Variants in MAP4K4 observed in about 807,000 individuals in gnomAD.
The protein encoded by MAP4K4 is mitogen-activated protein kinase kinase kinase kinase 4.
A neutral mutation model predicts 189.6 loss-of-function variants in MAP4K4; 38 were observed. That is an observed-to-expected ratio of 0.20 (90% CI 0.15 to 0.26). The LOEUF is 0.26. MAP4K4 is among the 10% of genes least tolerant of loss of function. The probability of loss-of-function intolerance (pLI) is 1.00; values close to 1 mark genes in which losing one functional copy is unlikely to be tolerated. For synonymous variants in MAP4K4, 610 were observed against 624.3 expected, an observed-to-expected ratio of 0.98 and a Z score of 0.34; for missense variants, 1,054 against 1,726.9, an observed-to-expected ratio of 0.61 and a Z score of 6.91.
chr2:101,850,153 T>G (rs2097236500), intron 12 of MAP4K4, among the ~76,000 whole-genome samples: 1 of 152,184 alleles, frequency 6.6e-6, no homozygotes, highest in African/African-American at 2.4e-5. Flanking sequence ...CTTTTTGCCT[T>G]TCTTCCACCA....
intron 2 of MAP4K4, among the ~76,000 whole-genome samples, chr2:101,748,874 CAG>C (rs1458483249): frequency 6.9e-6 from 1 of 144,826 alleles, no homozygotes; most frequent in Non-Finnish European, 1.5e-5. Context: ...AACAGACAAA[CAG>C]AGAGCCAAAT....
intron 3 of MAP4K4, among the ~76,000 whole-genome samples, chr2:101,821,761 A>G (rs1209051311): frequency 3.3e-5 from 5 of 152,340 alleles, no homozygotes; most frequent in South Asian, 2.1e-4. Context: ...GCTTTCTTCA[A>G]TAATTAACTA....
chr2:101,835,913 G>T, exon 9 of MAP4K4: 1 of 1,612,726 alleles, frequency 6.2e-7, no homozygotes, highest in Non-Finnish European at 8.5e-7. Context: ...TCTGTGACAT[G>T]CATCCAATGA....
chr2:101,767,895 C>T (rs2079338501), intron 2 of MAP4K4, among the ~76,000 whole-genome samples: 1 of 152,178 alleles, frequency 6.6e-6, no homozygotes, highest in African/African-American at 2.4e-5. Flanking sequence ...TGTTTCTCCC[C>T]TCACCCCCCC....
At chr2:101,702,440 G>T (rs1055228669) in intron 2 of MAP4K4, among the ~76,000 whole-genome samples, 1 of 152,020 alleles carries the variant, frequency 6.6e-6, no homozygotes, top group Non-Finnish European at 1.5e-5. Context: ...GTAGTGGGGG[G>T]TGCCTGTAAT....
rs756074509 is a variant in MAP4K4 at position 101,797,397 on chromosome 2, G to A, written c.180+6621G>A. 3.2e-5 allele frequency: 41 copies of A among 1,290,436 alleles called. No individual in the cohort carries two copies. In the South Asian group the frequency reaches 4.6e-4, roughly 14 times the overall value. 79.9% of individuals were successfully genotyped at this position (1,290,436 alleles called of 1,614,324 possible). A position where few individuals can be genotyped will look rare whatever the true frequency, so the allele number is the denominator to read the frequency against. ...AACGTTGTCAGGGTGAGCCAGAAAT[G>A]TATCAGTTTTTGACAGTCTGTATCC... On this transcript the variant is annotated intron_variant, in intron 3 of 32. Coordinates refer to ENST00000324219, the Ensembl canonical transcript of MAP4K4.
intron 2 of MAP4K4, among the ~76,000 whole-genome samples, chr2:101,727,433 A>G (rs755125658): frequency 6.6e-6 from 1 of 152,236 alleles, no homozygotes; most frequent in Non-Finnish European, 1.5e-5. Context: ...AACCTTGTAT[A>G]GTCAGTGAGG....
intron 2 of MAP4K4, among the ~76,000 whole-genome samples, chr2:101,782,926 C>T (rs1430602098): frequency 6.6e-6 from 1 of 152,186 alleles, no homozygotes; most frequent in East Asian, 1.9e-4. Context: ...CCCAACCAGT[C>T]AAGCTGGTCT....
chr2:101,842,281 T>C (rs887151540), intron 10 of MAP4K4, among the ~76,000 whole-genome samples: 1 of 152,202 alleles, frequency 6.6e-6, no homozygotes, highest in Non-Finnish European at 1.5e-5. Flanking sequence ...GTGAATTTGC[T>C]AGTGCCCTCG....
intron 2 of MAP4K4, among the ~76,000 whole-genome samples, chr2:101,724,805 T>C (rs964580774): frequency 5.9e-5 from 9 of 152,246 alleles, no homozygotes; most frequent in Admixed American, 2.0e-4. Flanking sequence ...GGCAAGTGAC[T>C]GCATAGCCAG....
Position 101,825,438 on chromosome 2 carries a change from A to C in MAP4K4, c.417+9A>C, listed in dbSNP as rs1209767668. The C allele has an allele frequency of 4.4e-6, 7 of 1,585,604 alleles. No homozygotes were observed. The African/African-American group carries it at 8.1e-5, about 18-fold the overall frequency. On this transcript the variant is annotated intron_variant, in intron 5 of 32. Coordinates refer to ENST00000324219, the Ensembl canonical transcript of MAP4K4. ...CCAGAGAAATCCTGAGGGTAAGGAA[A>C]GTGGGTGGCTACAGTGCTCCAACTC...
At chr2:101,732,580 C>T (rs1318400112) in intron 2 of MAP4K4, among the ~76,000 whole-genome samples, 2 of 152,034 alleles carry the variant, frequency 1.3e-5, no homozygotes, top group African/African-American at 2.4e-5. Context: ...TTAGTCATCT[C>T]CTTGCTCCTT....
intron 2 of MAP4K4, among the ~76,000 whole-genome samples, chr2:101,699,854 T>A (rs547154452): frequency 6.4e-4 from 97 of 152,298 alleles, no homozygotes; most frequent in African/African-American, 2.3e-3. Context: ...ATTTTTGAAT[T>A]TGAAAGAGAG....
Position 101,870,138 on chromosome 2 carries a change from T to G in MAP4K4, c.2640-157T>G, listed in dbSNP as rs1021949648. ...ACAAATGGCACTGGAAAGAAATTCT[T>G]TGTTAAAGGGAGAAAGCTAAGCAGT... is the stretch of plus-strand genomic sequence containing the variant. On this transcript the variant is annotated intron_variant, in intron 22 of 32. Coordinates refer to ENST00000324219, the Ensembl canonical transcript of MAP4K4. The G allele has an allele frequency of 2.2e-5, 16 of 720,644 alleles. No homozygotes were observed. The African/African-American group carries it at 2.7e-4, about 12-fold the overall frequency. 44.6% of individuals were successfully genotyped at this position (720,644 alleles called of 1,614,324 possible). A position where few individuals can be genotyped will look rare whatever the true frequency, so the allele number is the denominator to read the frequency against.
intron 12 of MAP4K4, among the ~76,000 whole-genome samples, chr2:101,853,817 T>C (rs1215377429): frequency 6.6e-6 from 1 of 152,114 alleles, no homozygotes; most frequent in African/African-American, 2.4e-5. Context: ...GAGTGTGGAA[T>C]GGGTCCTGTA....
intron 2 of MAP4K4, among the ~76,000 whole-genome samples, chr2:101,778,334 T>G (rs2085398174): frequency 6.6e-6 from 1 of 152,222 alleles, no homozygotes; most frequent in Non-Finnish European, 1.5e-5. Context: ...CAGCACAGTG[T>G]GCGGGGTCCC....
intron 2 of MAP4K4, among the ~76,000 whole-genome samples, chr2:101,734,595 C>T (rs1199008591): frequency 6.6e-6 from 1 of 151,860 alleles, no homozygotes; most frequent in Non-Finnish European, 1.5e-5. Flanking sequence ...CGCACACAAT[C>T]AGAGCCAATT....
intron 12 of MAP4K4, 64 bp from the exon 13 acceptor site, chr2:101,855,913 A>G: frequency 1.3e-6 from 2 of 1,488,990 alleles, no homozygotes; most frequent in Non-Finnish European, 9.0e-7. Context: ...TGATCAGCAC[A>G]CTATAACATC....
At chr2:101,702,298 G>A (rs2039298176) in intron 2 of MAP4K4, among the ~76,000 whole-genome samples, 3 of 152,160 alleles carry the variant, frequency 2.0e-5, no homozygotes, top group Admixed American at 6.6e-5. Context: ...GGACGCGGTG[G>A]CTTACGCTTG....
Sources: gnomAD v4.1 joint callset for allele counts (sites outside exome capture counted in the v4.1 genomes callset) on GRCh38, gnomAD v4.1.1 for gene constraint, MANE v1.5 for transcripts, NCBI Gene and HGNC (gene_info 2026-07-23, HGNC 2026-07-21) for gene names.